Variants in HPSE2 observed in about 807,000 individuals in gnomAD.
HPSE2 encodes the protein heparanase 2 (inactive), also known as inactive heparanase-2.
Under a neutral mutation model 60.5 loss-of-function variants are expected in HPSE2, and 38 were observed. The observed-to-expected ratio is 0.63, with a 90% CI of 0.48 to 0.82. HPSE2 has a LOEUF of 0.82. Among genes scored for constraint, HPSE2 ranks in the 40% least tolerant of loss-of-function variants. HPSE2 has a pLI of 0.00. For missense variants in HPSE2, 713 were observed against 740.4 expected (o/e 0.96, Z 0.43); for synonymous variants, 295 against 293.2 (o/e 1.01, Z -0.06).
At chr10:98,551,724 T>C (rs555552109) in intron 9 of HPSE2, among the ~76,000 whole-genome samples, 95 of 152,350 alleles carry the variant, frequency 6.2e-4, no homozygotes, top group African/African-American at 2.3e-3. Context: ...GTGCTATCCA[T>C]ATCTTTCTAA....
At chr10:99,222,587 T>C (rs553719097) in intron 2 of HPSE2, among the ~76,000 whole-genome samples, 2 of 152,308 alleles carry the variant, frequency 1.3e-5, no homozygotes, top group South Asian at 4.1e-4. Context: ...AATTGTCCAA[T>C]AATTTTTTCA....
At chr10:98,967,305 A>T (rs981883141) in intron 3 of HPSE2, among the ~76,000 whole-genome samples, 6 of 152,216 alleles carry the variant, frequency 3.9e-5, no homozygotes, top group East Asian at 1.9e-4. Flanking sequence ...ATACTGTAGA[A>T]TGCTATAACA....
chr10:98,687,250 T>C (rs1205336612), intron 6 of HPSE2, among the ~76,000 whole-genome samples: 1 of 152,184 alleles, frequency 6.6e-6, no homozygotes, highest in Non-Finnish European at 1.5e-5. Context: ...TATCTTTCTT[T>C]TGGAGATGCT....
chr10:98,587,789 C>T (rs1944978570), intron 9 of HPSE2, among the ~76,000 whole-genome samples: 1 of 152,162 alleles, frequency 6.6e-6, no homozygotes, highest in Admixed American at 6.5e-5. Context: ...AAGGCTTATG[C>T]TAACATTCTC....
At chr10:98,562,714 C>CAA (rs34420790) in intron 9 of HPSE2, among the ~76,000 whole-genome samples, 6 of 88,872 alleles carry the variant, frequency 6.8e-5, no homozygotes, top group Admixed American at 1.2e-4. Context: ...GACTCTGTCT[C>CAA]AAAAAAAAAA....
chr10:98,520,193 GAACT>G (rs1390903174), intron 9 of HPSE2, among the ~76,000 whole-genome samples: 1 of 152,196 alleles, frequency 6.6e-6, no homozygotes, highest in Non-Finnish European at 1.5e-5. Flanking sequence ...GCTATACCCA[GAACT>G]CCACTGGGTT....
At chr10:99,114,674 G>T (rs978583207) in intron 3 of HPSE2, among the ~76,000 whole-genome samples, 11 of 152,086 alleles carry the variant, frequency 7.2e-5, no homozygotes, top group Non-Finnish European at 1.2e-4. Flanking sequence ...CAGCACTTTG[G>T]GGGGCTGAGA....
chr10:98,579,617 C>T (rs1242463211), intron 9 of HPSE2, among the ~76,000 whole-genome samples: 1 of 152,148 alleles, frequency 6.6e-6, no homozygotes, highest in Non-Finnish European at 1.5e-5. Context: ...GTCAGCTGTG[C>T]TTTCCTTTTA....
chr10:98,641,961 G>C, intron 6 of HPSE2, 21 bp from the exon 7 acceptor site: 10 of 1,585,656 alleles, frequency 6.3e-6, no homozygotes, highest in Non-Finnish European at 8.7e-6. Context: ...AATAAAATAA[G>C]AATCAGATAA....
intron 2 of HPSE2, among the ~76,000 whole-genome samples, chr10:99,215,993 C>T (rs1849107776): frequency 6.6e-6 from 1 of 152,116 alleles, no homozygotes; most frequent in African/African-American, 2.4e-5. Flanking sequence ...CACCTTGGAA[C>T]GGTTCAATAA....
At chr10:99,106,752 C>A (rs1428165772) in intron 3 of HPSE2, among the ~76,000 whole-genome samples, 1 of 151,822 alleles carries the variant, frequency 6.6e-6, no homozygotes, top group Non-Finnish European at 1.5e-5. Flanking sequence ...TAATATTATC[C>A]CCATTTATAG....
intron 1 of HPSE2, among the ~76,000 whole-genome samples, chr10:99,234,859 G>A (rs1469714795): frequency 2.0e-5 from 3 of 151,854 alleles, no homozygotes. Flanking sequence ...AGGAACTGGC[G>A]GGGGGAGGGG....
chr10:98,753,143 A>G (rs116446307), intron 3 of HPSE2, among the ~76,000 whole-genome samples: 1,823 of 152,320 alleles, frequency 0.012, 25 homozygotes, highest in African/African-American at 0.041. Context: ...GAACAAGGCA[A>G]CTATAGGTAA....
the HPSE2 span, among the ~76,000 whole-genome samples, chr10:99,269,738 G>C: frequency 6.6e-6 from 1 of 152,022 alleles, no homozygotes; most frequent in Non-Finnish European, 1.5e-5. Flanking sequence ...CACAAAACAA[G>C]CCTCAATAAA....
intron 3 of HPSE2, among the ~76,000 whole-genome samples, chr10:98,926,136 G>A (rs2135086855): frequency 6.6e-6 from 1 of 152,116 alleles, no homozygotes; most frequent in East Asian, 1.9e-4. Context: ...CTGGTAGAAA[G>A]TGAACCTCAA....
At chr10:98,461,901 T>A in intron 11 of HPSE2, 1 of 997,796 alleles carries the variant, frequency 1.0e-6, no homozygotes, top group Non-Finnish European at 1.6e-6. Flanking sequence ...GAACAGGCCC[T>A]ATTCTGGTTT....
Position 98,714,226 on chromosome 10 carries a change from A to G in HPSE2, c.956+7431T>C, listed in dbSNP as rs1431928720. Among the ~76,000 whole-genome samples, 7 of 151,918 alleles carry G rather than the reference A, an allele frequency of 4.6e-5. No homozygotes were observed. In the East Asian group the frequency reaches 1.2e-3, roughly 25 times the overall value. ...CGCTTTTTGGAAATATAATTTACAT[A>G]TCATACAATTCACTCAGAGAAGTGT... On this transcript the variant is annotated intron_variant, in intron 5 of 11. Coordinates refer to ENST00000370552, the MANE Select transcript of HPSE2 (RefSeq NM_021828.5).
intron 3 of HPSE2, among the ~76,000 whole-genome samples, chr10:99,033,688 CAGG>C (rs1388718889): frequency 6.6e-6 from 1 of 151,826 alleles, no homozygotes; most frequent in African/African-American, 2.4e-5. Context: ...GAGGCTGAGG[CAGG>C]AGAATAGCGT....
the HPSE2 span, among the ~76,000 whole-genome samples, chr10:99,249,269 G>T: frequency 6.6e-6 from 1 of 152,216 alleles, no homozygotes; most frequent in Non-Finnish European, 1.5e-5. Context: ...GAGCCCTGCA[G>T]AGCTAAAGCA....
Sources: gnomAD v4.1 joint callset for allele counts (sites outside exome capture counted in the v4.1 genomes callset) on GRCh38, gnomAD v4.1.1 for gene constraint, MANE v1.5 for transcripts, NCBI Gene and HGNC (gene_info 2026-07-23, HGNC 2026-07-21) for gene names.